The following CPNE4 variants were observed in gnomAD, a reference collection of about 807,000 sequenced individuals.
CPNE4 encodes the protein copine-4.
CPNE4 carries 25 observed loss-of-function variants against 67.9 expected under a neutral mutation model. That is an observed-to-expected ratio of 0.37 (90% CI 0.27 to 0.51). The LOEUF (loss-of-function observed/expected upper bound fraction) is 0.51, where lower values mean the gene tolerates loss of function less well. Ranked by LOEUF, CPNE4 falls within the 20% of genes least tolerant of loss-of-function variation. The probability of loss-of-function intolerance (pLI) is 0.93; values close to 1 mark genes in which losing one functional copy is unlikely to be tolerated. For synonymous variants in CPNE4, 242 were observed against 244.9 expected, an observed-to-expected ratio of 0.99 and a Z score of 0.11; for missense variants, 464 against 690.8, an observed-to-expected ratio of 0.67 and a Z score of 3.68.
chr3:131,831,262 A>G (rs547324365), intron 2 of CPNE4, among the ~76,000 whole-genome samples: 2 of 152,300 alleles, frequency 1.3e-5, no homozygotes, highest in South Asian at 4.1e-4. Flanking sequence ...ATTACACATC[A>G]TATTATTCAA....
chr3:131,772,798 A>G (rs2083200805), intron 2 of CPNE4, among the ~76,000 whole-genome samples: 1 of 152,100 alleles, frequency 6.6e-6, no homozygotes, highest in Non-Finnish European at 1.5e-5. Flanking sequence ...AGACTACATC[A>G]TGAATGTGCC....
intron 2 of CPNE4, among the ~76,000 whole-genome samples, chr3:131,872,462 C>T (rs879795955): frequency 3.9e-5 from 6 of 152,180 alleles, no homozygotes; most frequent in Non-Finnish European, 7.3e-5. Flanking sequence ...GAGAAATTCT[C>T]TTTTACCTGG....
Position 131,890,767 on chromosome 3 carries a change from A to T in CPNE4, c.180+14497T>A, listed in dbSNP as rs180727089. Among the ~76,000 whole-genome samples the T allele has an allele frequency of 1.9e-3, 285 of 152,284 alleles. 2 individuals are homozygous for T. Among genetic ancestry groups the T allele is most frequent in the African/African-American group, 6.4e-3 (265 of 41,578 alleles). On this transcript the variant is annotated intron_variant, in intron 2 of 15. Transcript: ENST00000429747. The stretch of plus-strand genomic sequence containing the variant: ...TACAATGAAATATTACCTAGCATTG[A>T]AAAATAAGAAACATCTATTATTTGC...
chr3:132,001,553 G>GAGGA (rs2073436555), intron 1 of CPNE4, among the ~76,000 whole-genome samples: 2 of 101,790 alleles, frequency 2.0e-5, no homozygotes, highest in East Asian at 3.0e-4. Flanking sequence ...AAAGAAAAAA[G>GAGGA]AGAAAGAAAG....
intron 2 of CPNE4, among the ~76,000 whole-genome samples, chr3:131,751,779 T>G (rs58472763): frequency 0.16 from 24,254 of 150,352 alleles, 2,350 homozygotes; most frequent in East Asian, 0.25. Flanking sequence ...TTTTTTGTTT[T>G]TTTGTTTGTT....
chr3:132,037,613 C>A, upstream of CPNE4: 1 of 1,535,930 alleles, frequency 6.5e-7, no homozygotes, highest in East Asian at 2.4e-5. Flanking sequence ...CAGCCATGGT[C>A]AAATTTATCT....
chr3:131,633,289 A>G (rs56285822), intron 7 of CPNE4, among the ~76,000 whole-genome samples: 41,744 of 151,818 alleles, frequency 0.27, 9,478 homozygotes, highest in African/African-American at 0.63. Flanking sequence ...TTCCATCATT[A>G]CCTCTCTAAA....
chr3:131,592,628 TAC>T (rs1192354257), intron 7 of CPNE4, among the ~76,000 whole-genome samples: 1 of 149,160 alleles, frequency 6.7e-6, no homozygotes, highest in East Asian at 1.9e-4. Flanking sequence ...TGTGTGTATA[TAC>T]ACACACATAT....
intron 2 of CPNE4, among the ~76,000 whole-genome samples, chr3:131,814,505 TA>T (rs1472179891): frequency 6.7e-6 from 1 of 149,726 alleles, no homozygotes; most frequent in Admixed American, 6.7e-5. Flanking sequence ...CAAACATCAT[TA>T]ATCACTACCA....
At chr3:131,994,870 C>CT (rs2073250864) in intron 1 of CPNE4, among the ~76,000 whole-genome samples, 1 of 152,152 alleles carries the variant, frequency 6.6e-6, no homozygotes, top group African/African-American at 2.4e-5. Context: ...CTTCCAAATA[C>CT]TTTTTTCCTT....
intron 1 of CPNE4, among the ~76,000 whole-genome samples, chr3:132,033,647 C>G (rs191162997): frequency 9.2e-5 from 14 of 152,360 alleles, no homozygotes; most frequent in African/African-American, 3.4e-4. Context: ...TCCGCCAAGG[C>G]GCCCTGGGGC....
Position 131,542,623 on chromosome 3 carries a change from C to A in CPNE4, c.1473G>T (p.Arg491Ser). Residue 491 changes from arginine (R) to serine (S), a missense_variant, in exon 15 of 16, where the codon AGG (arginine) becomes AGT (serine). Arg to Ser is a moderately radical substitution (Grantham distance 110). Around this residue, in one of 6 missense-constraint regions of CPNE4, gnomAD observed 201 missense variants for 357.7 expected, o/e 0.56. Transcript: ENST00000429747. ...QMLDGDDGIL[R>S]SPKGEPVLRD... ...GAAGAACAGGCTCTCCCTTGGGTGA[C>A]CTCAGAATCCCATCATCACCGTCCA... 1.2e-6 allele frequency: 2 copies of A among 1,614,102 alleles called. No homozygotes were observed. Among genetic ancestry groups the A allele is most frequent in the Non-Finnish European group, 1.7e-6 (2 of 1,180,004 alleles).
chr3:131,997,577 T>TA (rs1239497508), intron 1 of CPNE4, among the ~76,000 whole-genome samples: 2 of 152,138 alleles, frequency 1.3e-5, no homozygotes, highest in Admixed American at 6.6e-5. Flanking sequence ...ATTTTACAGA[T>TA]AAGAGTAGGT....
rs139988265 is a variant in CPNE4, at chr3:131,724,704, T to C, written c.181-1079A>G. Among the ~76,000 whole-genome samples the C allele has an allele frequency of 8.3e-3, 1,257 of 152,196 alleles. 51 individuals are homozygous for C. Among genetic ancestry groups the C allele is most frequent in the Admixed American group, 0.074 (1,130 of 15,254 alleles). On this transcript the variant is annotated intron_variant, in intron 2 of 15. Transcript: ENST00000429747. Reference sequence around the variant, plus strand: ...AGTGCCTCTCTCTTGTCCCTTCACATTGAGGGGTAGTAATGGCTTCCTGTT... The same window carrying C: ...AGTGCCTCTCTCTTGTCCCTTCACACTGAGGGGTAGTAATGGCTTCCTGTT...
intron 2 of CPNE4, among the ~76,000 whole-genome samples, chr3:131,880,087 C>T (rs1265041339): frequency 6.6e-6 from 1 of 151,744 alleles, no homozygotes; most frequent in Admixed American, 6.6e-5. Context: ...TCTCATATCT[C>T]ATGACAAAGA....
At chr3:131,869,645 A>G (rs2087110733) in intron 2 of CPNE4, among the ~76,000 whole-genome samples, 1 of 152,180 alleles carries the variant, frequency 6.6e-6, no homozygotes, top group South Asian at 2.1e-4. Context: ...TTTTTGAACA[A>G]TGCATTATAT....
rs2087309665 is a variant in CPNE4, at chr3:131,873,619, T to A, written c.180+31645A>T. On this transcript the variant is annotated intron_variant, in intron 2 of 15. Coordinates refer to ENST00000429747, the MANE Select transcript of CPNE4 (RefSeq NM_130808.3). ...GCACATCTTTTTGCCTAGTTCATGTTCACAAATATCTATGAAACCCTGACT... is the reference window on the plus strand; with the variant it reads ...GCACATCTTTTTGCCTAGTTCATGTACACAAATATCTATGAAACCCTGACT... 3.3e-5 allele frequency among the ~76,000 whole-genome samples: 5 copies of A among 152,332 alleles called. No homozygotes were observed. In the South Asian group the frequency reaches 1.0e-3, roughly 32 times the overall value.
intron 15 of CPNE4, among the ~76,000 whole-genome samples, chr3:131,541,133 C>T (rs72997262): frequency 0.039 from 5,993 of 152,014 alleles, 284 homozygotes; most frequent in African/African-American, 0.11. Context: ...ACAAGAAGCA[C>T]AAAACAAAAA....
intron 1 of CPNE4, among the ~76,000 whole-genome samples, chr3:131,920,306 C>T (rs1247530141): frequency 6.6e-6 from 1 of 152,152 alleles, no homozygotes; most frequent in Non-Finnish European, 1.5e-5. Flanking sequence ...GTTTATTTCT[C>T]TTCCTGGCCC....
Sources: gnomAD v4.1 joint callset for allele counts (sites outside exome capture counted in the v4.1 genomes callset) on GRCh38, gnomAD v4.1.1 for gene constraint, gnomAD v4.1.1 regional missense constraint, MANE v1.5 for transcripts, NCBI Gene and HGNC (gene_info 2026-07-23, HGNC 2026-07-21) for gene names.